The following FRMD3 variants were observed in gnomAD, a reference collection of about 807,000 sequenced individuals.
FRMD3 encodes the protein FERM domain-containing protein 3.
FRMD3 carries 33 observed loss-of-function variants against 70.2 expected under a neutral mutation model. That is an observed-to-expected ratio of 0.47 (90% CI 0.36 to 0.63). FRMD3 has a LOEUF of 0.63. Ranked by LOEUF, FRMD3 falls within the 20% of genes least tolerant of loss-of-function variation. FRMD3 has a pLI of 0.00. For missense variants in FRMD3, 632 were observed against 711.4 expected, an observed-to-expected ratio of 0.89 and a Z score of 1.27; for synonymous variants, 279 against 255.9, an observed-to-expected ratio of 1.09 and a Z score of -0.86.
chr9:83,576,673 T>C, the FRMD3 span, among the ~76,000 whole-genome samples: 1 of 151,988 alleles, frequency 6.6e-6, no homozygotes, highest in Non-Finnish European at 1.5e-5. Context: ...TTAAATACTC[T>C]CCCCCATGAT....
chr9:83,409,549 A>C (rs962846460), intron 1 of FRMD3, among the ~76,000 whole-genome samples: 2 of 152,250 alleles, frequency 1.3e-5, no homozygotes, highest in Non-Finnish European at 2.9e-5. Flanking sequence ...GAGACTCTTC[A>C]GAGGAAATTG....
intron 1 of FRMD3, among the ~76,000 whole-genome samples, chr9:83,504,139 C>T (rs1163090337): frequency 6.6e-6 from 1 of 152,144 alleles, no homozygotes; most frequent in East Asian, 1.9e-4. Context: ...GGGATCAGCC[C>T]TTGCCAGCTT....
intron 6 of FRMD3, among the ~76,000 whole-genome samples, chr9:83,329,468 C>T (rs576901597): frequency 5.9e-5 from 9 of 152,154 alleles, no homozygotes; most frequent in African/African-American, 2.2e-4. Flanking sequence ...TTAAGAGGGC[C>T]CTTGTGATCT....
At chr9:83,413,446 C>A (rs1331505586) in intron 1 of FRMD3, among the ~76,000 whole-genome samples, 1 of 152,190 alleles carries the variant, frequency 6.6e-6, no homozygotes, top group Non-Finnish European at 1.5e-5. Flanking sequence ...CAAGGATGCA[C>A]CCGGGCCCCT....
At chr9:83,567,774 C>A in the FRMD3 span, among the ~76,000 whole-genome samples, 1 of 152,222 alleles carries the variant, frequency 6.6e-6, no homozygotes, top group Admixed American at 6.5e-5. Context: ...CTATATGAGA[C>A]CACCTCAGCC....
At chr9:83,264,384 T>A (rs963494832) in intron 13 of FRMD3, among the ~76,000 whole-genome samples, 1 of 152,204 alleles carries the variant, frequency 6.6e-6, no homozygotes, top group African/African-American at 2.4e-5. Flanking sequence ...CAGGGGTAGA[T>A]ACATGCCATT....
intron 1 of FRMD3, among the ~76,000 whole-genome samples, chr9:83,505,934 C>T (rs1180642545): frequency 6.6e-6 from 1 of 152,152 alleles, no homozygotes; most frequent in African/African-American, 2.4e-5. Flanking sequence ...CATTCTGGAA[C>T]AGACAATCAT....
At chr9:83,450,347 G>GTTTTTTTTTT (rs763340189) in intron 1 of FRMD3, among the ~76,000 whole-genome samples, 5 of 111,574 alleles carry the variant, frequency 4.5e-5, no homozygotes, top group Non-Finnish European at 7.3e-5. Context: ...GTCACCCTCA[G>GTTTTTTTTTT]TTTTTTTTTT....
At chr9:83,536,951 A>AAAAAAAAAC in intron 1 of FRMD3, among the ~76,000 whole-genome samples, 1 of 142,586 alleles carries the variant, frequency 7.0e-6, no homozygotes, top group Non-Finnish European at 1.5e-5. Flanking sequence ...AAAAAAAAAA[A>AAAAAAAAAC]AAGCTCAGTC....
chr9:83,356,430 C>T (rs1167404315), intron 3 of FRMD3, among the ~76,000 whole-genome samples: 2 of 151,902 alleles, frequency 1.3e-5, no homozygotes, highest in East Asian at 3.9e-4. Context: ...CACCCGCCAC[C>T]ACTTCCGGCT....
chr9:83,357,238 AATACATACATATATATAT>A (rs1167417171), intron 3 of FRMD3, among the ~76,000 whole-genome samples: 4 of 4,000 alleles, frequency 1.0e-3, no homozygotes, highest in East Asian at 0.01. Flanking sequence ...ATATATATAT[AATACATACATATATATAT>A]ATATATATAT....
At chr9:83,330,686 C>G (rs1183605375) in intron 6 of FRMD3, among the ~76,000 whole-genome samples, 3 of 152,230 alleles carry the variant, frequency 2.0e-5, no homozygotes, top group Non-Finnish European at 4.4e-5. Flanking sequence ...TCATGGCCCA[C>G]TCATTTAAGA....
intron 6 of FRMD3, among the ~76,000 whole-genome samples, chr9:83,315,519 C>A (rs1221612245): frequency 6.6e-6 from 1 of 152,060 alleles, no homozygotes; most frequent in Non-Finnish European, 1.5e-5. Context: ...GATAGTGAGT[C>A]CTCACAAGAT....
chr9:83,345,042 A>G (rs1823909072), intron 4 of FRMD3, among the ~76,000 whole-genome samples: 1 of 152,158 alleles, frequency 6.6e-6, no homozygotes, highest in South Asian at 2.1e-4. Context: ...TCAACCCCAG[A>G]GCACTGGAGC....
chr9:83,259,753 T>G (rs557021314), intron 13 of FRMD3, among the ~76,000 whole-genome samples: 27 of 152,272 alleles, frequency 1.8e-4, no homozygotes, highest in African/African-American at 5.8e-4. Flanking sequence ...TCTCTATAGA[T>G]GTCTCATAGT....
intron 3 of FRMD3, among the ~76,000 whole-genome samples, chr9:83,359,088 C>T (rs1309133008): frequency 1.3e-5 from 2 of 152,178 alleles, no homozygotes; most frequent in Non-Finnish European, 2.9e-5. Context: ...CCCACTCTTA[C>T]TGAAATGATA....
chr9:83,261,118 C>T (rs1002473619), intron 13 of FRMD3, among the ~76,000 whole-genome samples: 5 of 150,308 alleles, frequency 3.3e-5, no homozygotes, highest in African/African-American at 1.2e-4. Context: ...CACACACACA[C>T]ACACACACAC....
At chr9:83,406,018 A>G (rs930378884) in intron 1 of FRMD3, among the ~76,000 whole-genome samples, 2 of 151,726 alleles carry the variant, frequency 1.3e-5, no homozygotes, top group Non-Finnish European at 2.9e-5. Flanking sequence ...ATCACATTCC[A>G]TTCTCCCTTC....
At chr9:83,243,077 G>C (rs1831937415), downstream of FRMD3, 1 of 868,506 alleles carries the variant, frequency 1.2e-6, no homozygotes, top group Non-Finnish European at 1.9e-6. Context: ...CTTCTGTGAA[G>C]TGACGGCTGC....
Sources: allele counts gnomAD v4.1 joint callset (sites outside exome capture counted in the v4.1 genomes callset), GRCh38; gene constraint gnomAD v4.1.1; transcripts MANE v1.5; gene names NCBI Gene and HGNC (gene_info 2026-07-23, HGNC 2026-07-21).